Variants in RUFY1 observed in about 807,000 individuals in gnomAD.
The protein encoded by RUFY1 is RUN and FYVE domain containing 1, also known as RUN and FYVE domain-containing protein 1.
A neutral mutation model predicts 94.6 loss-of-function variants in RUFY1; 54 were observed. The ratio of observed to expected loss-of-function variants is 0.57; its 90% CI spans 0.46 to 0.72. RUFY1 has a LOEUF of 0.72. RUFY1 is among the 30% of genes least tolerant of loss of function. The pLI is 0.00. For missense variants in RUFY1, 883 were observed against 883.9 expected (o/e 1.00, Z 0.01); for synonymous variants, 396 against 347.3 (o/e 1.14, Z -1.56).
intron 1 of RUFY1, among the ~76,000 whole-genome samples, chr5:179,556,578 G>A (rs899712078): frequency 2.0e-5 from 3 of 151,414 alleles, no homozygotes; most frequent in African/African-American, 7.3e-5. Flanking sequence ...TCGGCTCACT[G>A]CAACCTCCGC....
chr5:179,595,055 G>T, intron 12 of RUFY1, 92 bp downstream of exon 12: 1 of 905,986 alleles, frequency 1.1e-6, no homozygotes, highest in South Asian at 1.4e-5. Flanking sequence ...CAAAGTGCAG[G>T]GGAGAGGCTG....
At chr5:179,580,229 G>A (rs1027137697) in intron 6 of RUFY1, among the ~76,000 whole-genome samples, 20 of 61,632 alleles carry the variant, frequency 3.2e-4, no homozygotes, top group Admixed American at 2.4e-3. Flanking sequence ...GTGTGTGTGT[G>A]TGTGTGTGTG....
At chr5:179,604,399 A>G (rs1254819466) in intron 15 of RUFY1, among the ~76,000 whole-genome samples, 1 of 152,170 alleles carries the variant, frequency 6.6e-6, no homozygotes, top group African/African-American at 2.4e-5. Context: ...GAGTTCTTGT[A>G]TGTTCAGTTT....
Position 179,593,622 on chromosome 5 carries a change from T to A in RUFY1, c.1390T>A (p.Leu464Ile). ...QQLEEVKAINLQMFHKAQNAE... is the reference protein window; with the variant it reads ...QQLEEVKAINIQMFHKAQNAE... ...GCTGGAAGAAGTCAAAGCGATTAAT[T>A]TACAGATGTTTCACAAAGCTCAGGT... Residue 464 changes from leucine (L) to isoleucine (I), a missense_variant, in exon 11 of 18, where the codon TTA becomes ATA. Physicochemically the swap from Leu to Ile is conservative, Grantham distance 5 (BLOSUM62 2). Coordinates refer to ENST00000319449, the MANE Select transcript of RUFY1 (RefSeq NM_025158.5). 1 of 1,613,986 alleles carries A rather than the reference T, an allele frequency of 6.2e-7. No individual in the cohort carries two copies. The highest frequency in any genetic ancestry group is 8.5e-7 in the Non-Finnish European group (1 of 1,179,920).
chr5:179,605,418 G>A (rs889790043), intron 15 of RUFY1, among the ~76,000 whole-genome samples: 6 of 152,204 alleles, frequency 3.9e-5, no homozygotes, highest in African/African-American at 7.2e-5. Flanking sequence ...CACTGAACAA[G>A]AATGGAGCAA....
intron 1 of RUFY1, 124 bp downstream of exon 1, chr5:179,551,003 C>A: frequency 1.2e-6 from 1 of 842,292 alleles, no homozygotes; most frequent in Non-Finnish European, 1.4e-6. Context: ...GAGCTGTTGG[C>A]GGGCGGGCGG....
rs527637788 is a variant in RUFY1 at position 179,572,340 on chromosome 5, C to T, written c.828+2915C>T. 6.4e-4 allele frequency: 124 copies of T among 194,124 alleles called. 1 individual carries two copies. Among genetic ancestry groups the T allele is most frequent in the Non-Finnish European group, 1.3e-3 (112 of 89,572 alleles). The allele number at this position is 194,124 out of a possible 1,614,324, so 12.0% of individuals were successfully genotyped here. On this transcript the variant is annotated intron_variant, in intron 5 of 17. Coordinates refer to ENST00000319449, the MANE Select transcript of RUFY1 (RefSeq NM_025158.5). ...AGAACGTCGCATTCAGCGACCATGC[C>T]GAGGATTTCCGCAAGCTGGGCTGCG...
rs1761862776 is a variant in RUFY1, at chr5:179,551,706, G to A, written c.310+827G>A. On this transcript the variant is annotated intron_variant, in intron 1 of 17. Coordinates refer to ENST00000319449, the MANE Select transcript of RUFY1 (RefSeq NM_025158.5). ...CCTCCCATATTTTTAGTAGAAACGG[G>A]GTTTCACCATCTTGGCCAGGCTGGT... Among the ~76,000 whole-genome samples, 4 of 140,250 alleles carry A rather than the reference G, an allele frequency of 2.9e-5. No homozygotes were observed. In the South Asian group the frequency reaches 9.2e-4, roughly 32 times the overall value. 92.0% of individuals were successfully genotyped at this position (140,250 alleles called of 152,430 possible).
Position 179,569,365 on chromosome 5 carries a change from G to T in RUFY1, c.768G>T (p.Leu256=). Reference sequence around the variant, plus strand: ...AAGGGATGGTGATTGTTGGTCTGCTGGTGGGACTCAATGTTCTCGATGCCA... The same window carrying T: ...AAGGGATGGTGATTGTTGGTCTGCTTGTGGGACTCAATGTTCTCGATGCCA... ...EEEGMVIVGL[L]VGLNVLDANL... is the part of the protein sequence containing the mutation. Residue 256 remains leucine, a synonymous_variant, in exon 5 of 18, where the codon CTG becomes CTT. Transcript: ENST00000319449. The T allele has an allele frequency of 6.2e-7, 1 of 1,613,644 alleles. No homozygotes were observed. The highest frequency in any genetic ancestry group is 2.2e-5 in the East Asian group (1 of 44,786).
chr5:179,600,817 C>G (rs1766296244), intron 14 of RUFY1, among the ~76,000 whole-genome samples: 1 of 150,176 alleles, frequency 6.7e-6, no homozygotes, highest in Non-Finnish European at 1.5e-5. Context: ...CTGCCTCAGC[C>G]TCCCGAGTAG....
chr5:179,571,011 T>C (rs146844758), intron 5 of RUFY1, among the ~76,000 whole-genome samples: 288 of 152,360 alleles, frequency 1.9e-3, no homozygotes, highest in African/African-American at 6.7e-3. Context: ...TCGAAGGGTT[T>C]CTTTTTTTAT....
At chr5:179,568,838 G>T (rs72822602) in intron 4 of RUFY1, among the ~76,000 whole-genome samples, 13,600 of 152,228 alleles carry the variant, frequency 0.089, 694 homozygotes, top group Middle Eastern at 0.13. Flanking sequence ...CCCTGCAAAT[G>T]GCCGCGATAA....
At chr5:179,559,428 G>A (rs567210046) in intron 1 of RUFY1, among the ~76,000 whole-genome samples, 1 of 152,342 alleles carries the variant, frequency 6.6e-6, no homozygotes, top group East Asian at 1.9e-4. Context: ...AAGAATTTGA[G>A]CCTGGAGCTG....
rs769501339 is a variant in RUFY1, at chr5:179,560,172, A to G, written c.458A>G (p.Glu153Gly). The G allele has an allele frequency of 1.2e-6, 2 of 1,613,916 alleles. No individual in the cohort carries two copies. The highest frequency in any genetic ancestry group is 1.7e-6 in the Non-Finnish European group (2 of 1,179,924). Residue 153 changes from glutamate (E) to glycine (G), a missense_variant, in exon 2 of 18, where the codon GAG (glutamate) becomes GGG (glycine). By Grantham distance (98) the Glu-to-Gly change is moderately conservative. Transcript: ENST00000319449. ...APLQQFFVVM[E>G]HCLKHGLKVK... The stretch of plus-strand genomic sequence containing the variant: ...TTGCAGCAGTTCTTTGTAGTGATGG[A>G]GCACTGCCTCAAACATGGGCTGAAA...
chr5:179,577,158 A>ATT (rs1763677382), intron 6 of RUFY1, 22 bp downstream of exon 6: 8 of 392,400 alleles, frequency 2.0e-5, no homozygotes, highest in East Asian at 4.5e-5. Context: ...GTTGTATGTC[A>ATT]CTTTTTTTTT....
At chr5:179,569,945 C>T (rs1238711793) in intron 5 of RUFY1, among the ~76,000 whole-genome samples, 8 of 152,150 alleles carry the variant, frequency 5.3e-5, no homozygotes, top group South Asian at 4.1e-4. Flanking sequence ...GGGGTTTCAC[C>T]GTGTTAGCCA....
chr5:179,583,411 AATAT>A (rs10541437), intron 7 of RUFY1, among the ~76,000 whole-genome samples: 10 of 143,972 alleles, frequency 6.9e-5, no homozygotes, highest in Admixed American at 7.0e-5. Flanking sequence ...TTCTCATATA[AATAT>A]ATATATATAT....
intron 4 of RUFY1, 56 bp downstream of exon 4, chr5:179,567,618 G>T (rs918606324): frequency 1.5e-6 from 2 of 1,296,164 alleles, no homozygotes; most frequent in East Asian, 2.4e-5. Flanking sequence ...TAGAACATAG[G>T]CTGGGTGCGG....
At chr5:179,577,859 C>CAAAAA (rs35539667) in intron 6 of RUFY1, among the ~76,000 whole-genome samples, 19 of 134,356 alleles carry the variant, frequency 1.4e-4, no homozygotes, top group African/African-American at 4.3e-4. Flanking sequence ...TTCTCTGCAG[C>CAAAAA]AAAAAAAAAA....
Sources: allele counts gnomAD v4.1 joint callset (sites outside exome capture counted in the v4.1 genomes callset), GRCh38; gene constraint gnomAD v4.1.1; transcripts MANE v1.5; gene names NCBI Gene and HGNC (gene_info 2026-07-23, HGNC 2026-07-21).